The following ERBB4 variants were observed in gnomAD, a reference collection of about 807,000 sequenced individuals.
ERBB4 encodes receptor tyrosine-protein kinase erbB-4.
A neutral mutation model predicts 158.0 loss-of-function variants in ERBB4; 42 were observed. The ratio of observed to expected loss-of-function variants is 0.27; its 90% CI spans 0.21 to 0.34. The LOEUF is 0.34. ERBB4 is among the 10% of genes least tolerant of loss of function. ERBB4 has a pLI of 1.00. For synonymous variants in ERBB4, 583 were observed against 558.7 expected, an observed-to-expected ratio of 1.04 and a Z score of -0.61; for missense variants, 1,333 against 1,624.1, an observed-to-expected ratio of 0.82 and a Z score of 3.08.
At chr2:211,927,655 T>A (rs1241109210) in intron 3 of ERBB4, among the ~76,000 whole-genome samples, 1 of 152,006 alleles carries the variant, frequency 6.6e-6, no homozygotes, top group East Asian at 1.9e-4. Flanking sequence ...AACACAAATG[T>A]AGAGTGAGGA....
chr2:212,067,461 A>C (rs1439111345), intron 2 of ERBB4, among the ~76,000 whole-genome samples: 1 of 152,002 alleles, frequency 6.6e-6, no homozygotes, highest in Non-Finnish European at 1.5e-5. Context: ...TTAGATCCTG[A>C]ATTCTTCTAA....
intron 20 of ERBB4, among the ~76,000 whole-genome samples, chr2:211,559,491 A>G (rs78045186): frequency 0.024 from 3,696 of 152,234 alleles, 94 homozygotes; most frequent in African/African-American, 0.062. Context: ...GTCTCCTTTC[A>G]TGCCTAAAAT....
intron 1 of ERBB4, among the ~76,000 whole-genome samples, chr2:212,427,900 G>C (rs1043525323): frequency 6.6e-6 from 1 of 152,118 alleles, no homozygotes; most frequent in Non-Finnish European, 1.5e-5. Context: ...AGGAAGAAGA[G>C]GGATTGAGGG....
intron 1 of ERBB4, among the ~76,000 whole-genome samples, chr2:212,172,955 A>G (rs144667285): frequency 9.0e-4 from 137 of 152,276 alleles, no homozygotes; most frequent in African/African-American, 3.0e-3. Context: ...AAATTTTAAA[A>G]ACAATGGAAA....
chr2:211,984,044 C>G (rs2081873516), intron 2 of ERBB4, among the ~76,000 whole-genome samples: 1 of 152,066 alleles, frequency 6.6e-6, no homozygotes, highest in South Asian at 2.1e-4. Flanking sequence ...GCTGGAAAAT[C>G]TAAGATAAAA....
intron 7 of ERBB4, 49 bp downstream of exon 7, chr2:211,722,344 T>TG: frequency 2.0e-6 from 3 of 1,475,752 alleles, no homozygotes; most frequent in Non-Finnish European, 2.8e-6. Flanking sequence ...ATTCTTTTGA[T>TG]TTCAAATAAT....
intron 2 of ERBB4, among the ~76,000 whole-genome samples, chr2:212,050,715 C>T (rs1453109912): frequency 6.6e-6 from 1 of 152,136 alleles, no homozygotes; most frequent in African/African-American, 2.4e-5. Context: ...AATAAATGGA[C>T]TGCACACATG....
rs553644855 is a variant in ERBB4, at chr2:211,609,833, G to T, written c.2301+9344C>A. 1.4e-4 allele frequency among the ~76,000 whole-genome samples: 22 copies of T among 152,282 alleles called. No homozygotes were observed. In the South Asian group the frequency reaches 4.6e-3, roughly 32 times the overall value. ...GACAAAGTTCCTGTCCATGACTTAA[G>T]GACATAACCAGGTAAATAAAAACAG... On this transcript the variant is annotated intron_variant, in intron 19 of 27. Transcript: ENST00000342788.
chr2:212,033,612 C>T (rs1331784202), intron 2 of ERBB4, among the ~76,000 whole-genome samples: 1 of 151,534 alleles, frequency 6.6e-6, no homozygotes, highest in African/African-American at 2.4e-5. Flanking sequence ...TAACTTTGAT[C>T]CAGGAAATTG....
chr2:211,981,924 GA>G (rs1391971761), intron 2 of ERBB4, among the ~76,000 whole-genome samples: 1 of 152,052 alleles, frequency 6.6e-6, no homozygotes, highest in Non-Finnish European at 1.5e-5. Flanking sequence ...TGCTCAGTGA[GA>G]AATGCACCAA....
chr2:212,039,826 T>G (rs2077096360), intron 2 of ERBB4, among the ~76,000 whole-genome samples: 1 of 151,398 alleles, frequency 6.6e-6, no homozygotes, highest in Non-Finnish European at 1.5e-5. Context: ...CACACACAAA[T>G]GCCTACCACC....
intron 1 of ERBB4, among the ~76,000 whole-genome samples, chr2:212,207,847 T>C (rs1396924638): frequency 6.6e-6 from 1 of 152,132 alleles, no homozygotes; most frequent in Non-Finnish European, 1.5e-5. Context: ...AATTTTTTAT[T>C]ATATAATTAA....
intron 1 of ERBB4, among the ~76,000 whole-genome samples, chr2:212,478,548 C>CAG (rs1283919184): frequency 6.6e-6 from 1 of 151,954 alleles, no homozygotes; most frequent in East Asian, 1.9e-4. Context: ...CATTCTGAGA[C>CAG]AGAGAGAGAG....
At chr2:211,482,781 T>G (rs1395592531) in intron 20 of ERBB4, among the ~76,000 whole-genome samples, 1 of 152,132 alleles carries the variant, frequency 6.6e-6, no homozygotes, top group Non-Finnish European at 1.5e-5. Flanking sequence ...GGCACATGTC[T>G]GTAATCCCAG....
chr2:212,128,664 C>A (rs1427918060), intron 1 of ERBB4, among the ~76,000 whole-genome samples: 3 of 152,152 alleles, frequency 2.0e-5, no homozygotes, highest in African/African-American at 7.2e-5. Flanking sequence ...GTGTTATATG[C>A]TTTTGACTTT....
intron 2 of ERBB4, among the ~76,000 whole-genome samples, chr2:212,052,380 G>C (rs1009954161): frequency 2.6e-5 from 4 of 152,130 alleles, no homozygotes; most frequent in African/African-American, 7.2e-5. Flanking sequence ...TTGCTCCTCA[G>C]CTTGCAGATA....
At chr2:212,342,236 G>A (rs910841547) in intron 1 of ERBB4, among the ~76,000 whole-genome samples, 2 of 152,128 alleles carry the variant, frequency 1.3e-5, no homozygotes, top group African/African-American at 2.4e-5. Context: ...ATATGATTTG[G>A]CTGTGTCCCA....
chr2:212,253,763 G>A (rs555274903), intron 1 of ERBB4, among the ~76,000 whole-genome samples: 1 of 152,298 alleles, frequency 6.6e-6, no homozygotes, highest in East Asian at 1.9e-4. Flanking sequence ...TCATATGCCA[G>A]TTAATGAAGG....
intron 1 of ERBB4, among the ~76,000 whole-genome samples, chr2:212,179,767 T>C (rs1205223603): frequency 1.3e-5 from 2 of 151,622 alleles, no homozygotes; most frequent in Non-Finnish European, 1.5e-5. Context: ...CCAAGGAAAA[T>C]GTACCAATTA....
Sources: allele counts gnomAD v4.1 joint callset (sites outside exome capture counted in the v4.1 genomes callset), GRCh38; gene constraint gnomAD v4.1.1; transcripts MANE v1.5; gene names NCBI Gene and HGNC (gene_info 2026-07-23, HGNC 2026-07-21).